PARD3B: variants seen among roughly 807,000 people sequenced by gnomAD.
PARD3B encodes the protein partitioning defective 3 homolog B.
Under a neutral mutation model 130.2 loss-of-function variants are expected in PARD3B, and 103 were observed. The observed-to-expected ratio is 0.79, with a 90% CI of 0.67 to 0.93. The LOEUF (loss-of-function observed/expected upper bound fraction) is 0.93. PARD3B is among the 40% of genes least tolerant of loss of function. The pLI is 0.00. For missense variants in PARD3B, 1,609 were observed against 1,499.2 expected (o/e 1.07, Z -1.21); for synonymous variants, 583 against 553.2 (o/e 1.05, Z -0.76).
chr2:204,703,756 G>A (rs1230245656), intron 2 of PARD3B, among the ~76,000 whole-genome samples: 1 of 152,022 alleles, frequency 6.6e-6, no homozygotes, highest in Non-Finnish European at 1.5e-5. Context: ...TCTGCTTCAT[G>A]TCCCACCACA....
intron 2 of PARD3B, among the ~76,000 whole-genome samples, chr2:204,939,189 T>C (rs7595624): frequency 0.031 from 4,689 of 152,278 alleles, 99 homozygotes; most frequent in African/African-American, 0.054. Context: ...TACCCTCATT[T>C]TGATAAAAAC....
intron 2 of PARD3B, among the ~76,000 whole-genome samples, chr2:204,867,751 A>G (rs1053877410): frequency 1.3e-5 from 2 of 152,142 alleles, no homozygotes; most frequent in Non-Finnish European, 2.9e-5. Context: ...CCGGCGATGT[A>G]TTTAGCAGAC....
intron 3 of PARD3B, among the ~76,000 whole-genome samples, chr2:204,990,966 G>A (rs914930392): frequency 6.6e-5 from 10 of 152,050 alleles, no homozygotes; most frequent in Non-Finnish European, 2.9e-5. Context: ...TATAAAGCCT[G>A]TCATTTCTCT....
intron 1 of PARD3B, among the ~76,000 whole-genome samples, chr2:204,553,499 A>G (rs1259469044): frequency 1.2e-4 from 18 of 149,488 alleles, no homozygotes; most frequent in Admixed American, 1.2e-3. Flanking sequence ...AACCAACCCA[A>G]ATGCCCACCA....
At chr2:204,578,853 C>T (rs927543656) in intron 1 of PARD3B, among the ~76,000 whole-genome samples, 6 of 151,994 alleles carry the variant, frequency 3.9e-5, no homozygotes, top group Admixed American at 1.3e-4. Flanking sequence ...TGAGAGAGGT[C>T]ATAATCTGGG....
Position 205,567,612 on chromosome 2 carries a change from G to A in PARD3B, c.3260+14209G>A, listed in dbSNP as rs1054379484. On this transcript the variant is annotated intron_variant, in intron 22 of 22. Coordinates refer to ENST00000406610, the MANE Select transcript of PARD3B (RefSeq NM_001302769.2). The stretch of plus-strand genomic sequence containing the variant: ...GCTGGGATTACAGGCATGAGCCACC[G>A]CGCCCGGCCTGTACTAGTGTTGTAC... Among the ~76,000 whole-genome samples, 10 of 151,244 alleles carry A rather than the reference G, an allele frequency of 6.6e-5. No homozygotes were observed. In the East Asian group the frequency reaches 1.4e-3, roughly 21 times the overall value.
intron 3 of PARD3B, among the ~76,000 whole-genome samples, chr2:204,979,455 T>C (rs1233037758): frequency 6.6e-6 from 1 of 152,192 alleles, no homozygotes; most frequent in Non-Finnish European, 1.5e-5. Flanking sequence ...CAGGAACAAC[T>C]GAAGCTATTT....
intron 21 of PARD3B, among the ~76,000 whole-genome samples, chr2:205,516,733 C>T (rs1286923594): frequency 1.3e-5 from 2 of 152,032 alleles, no homozygotes; most frequent in Admixed American, 1.3e-4. Flanking sequence ...GTTTGACTTC[C>T]TCTCTATTTG....
intron 15 of PARD3B, among the ~76,000 whole-genome samples, chr2:205,210,015 A>G (rs986450826): frequency 3.3e-5 from 5 of 152,014 alleles, no homozygotes; most frequent in African/African-American, 1.2e-4. Flanking sequence ...CATGTATCCC[A>G]TAAATATATA....
chr2:205,369,835 A>G (rs939982770), intron 18 of PARD3B, among the ~76,000 whole-genome samples: 3 of 152,230 alleles, frequency 2.0e-5, no homozygotes, highest in Admixed American at 1.3e-4. Flanking sequence ...GCTGAGAAGT[A>G]GAATGTTTTT....
chr2:204,991,151 G>T (rs1693642630), intron 3 of PARD3B, among the ~76,000 whole-genome samples: 1 of 150,766 alleles, frequency 6.6e-6, no homozygotes, highest in Non-Finnish European at 1.5e-5. Context: ...ATGTATACAT[G>T]TGCCATGCTG....
intron 15 of PARD3B, among the ~76,000 whole-genome samples, chr2:205,240,718 G>C (rs2125912601): frequency 6.6e-6 from 1 of 152,226 alleles, no homozygotes; most frequent in East Asian, 1.9e-4. Flanking sequence ...CCACTGTTCT[G>C]CAAATTTTTA....
At chr2:205,203,806 T>TGCC (rs1454049776) in intron 15 of PARD3B, among the ~76,000 whole-genome samples, 29 of 152,240 alleles carry the variant, frequency 1.9e-4, no homozygotes, top group Non-Finnish European at 3.7e-4. Context: ...GGCTGCATAG[T>TGCC]ATTCCATGGT....
intron 4 of PARD3B, among the ~76,000 whole-genome samples, chr2:205,094,476 A>C (rs1323737205): frequency 2.0e-5 from 3 of 152,294 alleles, no homozygotes; most frequent in African/African-American, 7.2e-5. Flanking sequence ...GTTATAAAAA[A>C]ATTCTTTAAC....
rs1450404311 is a variant in PARD3B at position 205,405,066 on chromosome 2, A to T, written c.2741+3943A>T. On this transcript the variant is annotated intron_variant, in intron 19 of 22. Coordinates refer to ENST00000406610, the MANE Select transcript of PARD3B (RefSeq NM_001302769.2). The surrounding 1 kb of genome is among the most constrained non-coding windows in gnomAD (Gnocchi z 4.1). ...CTACATATCTAATTCCTGATCCGAA[A>T]CCATTTTGCTGCTATATATGGATAG... Among the ~76,000 whole-genome samples the T allele has an allele frequency of 1.3e-5, 2 of 152,092 alleles. No homozygotes were observed. The highest frequency in any genetic ancestry group is 4.8e-5 in the African/African-American group (2 of 41,410).
At position 205,472,403 on chromosome 2, in the gene PARD3B, T is replaced by A. The variant is rs113722385; in HGVS notation, c.3045-27493T>A. Among the ~76,000 whole-genome samples, 691 of 152,286 alleles carry A rather than the reference T, an allele frequency of 4.5e-3. 5 individuals carry two copies. The highest frequency in any genetic ancestry group is 0.016 in the African/African-American group (655 of 41,542). On this transcript the variant is annotated intron_variant, in intron 20 of 22. Coordinates refer to ENST00000406610, the MANE Select transcript of PARD3B (RefSeq NM_001302769.2). ...ATTAGTAAAAAAAAGTTAATTTTTG[T>A]CCATTGTTAAAACAGTGAAATTTTC...
rs549123588 is a variant in PARD3B, at chr2:205,228,316, G to T, written c.2141-17462G>T. Among the ~76,000 whole-genome samples, 422 of 151,908 alleles carry T rather than the reference G, an allele frequency of 2.8e-3. 5 individuals carry two copies. Among genetic ancestry groups the T allele is most frequent in the Non-Finnish European group, 5.0e-3 (339 of 67,880 alleles). ...GTGTAGATGAAATCCCTCAGGTTTT[G>T]TTTGGGAAAATCTTTATTTCTCCTT... On this transcript the variant is annotated intron_variant, in intron 15 of 22. Coordinates refer to ENST00000406610, the MANE Select transcript of PARD3B (RefSeq NM_001302769.2).
intron 2 of PARD3B, among the ~76,000 whole-genome samples, chr2:204,873,461 A>AG (rs908022170): frequency 8.5e-5 from 13 of 152,194 alleles, no homozygotes; most frequent in African/African-American, 3.1e-4. Flanking sequence ...TTTGTCCCCC[A>AG]GACACTTCAT....
intron 22 of PARD3B, among the ~76,000 whole-genome samples, chr2:205,554,028 A>G (rs2052769055): frequency 6.6e-6 from 1 of 152,204 alleles, no homozygotes; most frequent in African/African-American, 2.4e-5. Context: ...TTGTGCTGTT[A>G]TTGGTGAGAT....
Sources: allele counts gnomAD v4.1 joint callset (sites outside exome capture counted in the v4.1 genomes callset), GRCh38; gene constraint gnomAD v4.1.1; non-coding constraint Gnocchi (gnomAD v3.1); transcripts MANE v1.5; gene names NCBI Gene and HGNC (gene_info 2026-07-23, HGNC 2026-07-21).